The following CTNND2 variants were observed in gnomAD, a reference collection of about 807,000 sequenced individuals.
CTNND2 encodes catenin delta-2.
CTNND2 carries 22 observed loss-of-function variants against 144.4 expected under a neutral mutation model. The observed-to-expected ratio is 0.15, with a 90% CI of 0.11 to 0.22. The LOEUF is 0.22. CTNND2 is among the 10% of genes least tolerant of loss of function. The pLI, the probability that CTNND2 is intolerant of heterozygous loss-of-function variation, is 1.00. For synonymous variants in CTNND2, 751 were observed against 695.6 expected, an observed-to-expected ratio of 1.08 and a Z score of -1.25; for missense variants, 1,353 against 1,618.8, an observed-to-expected ratio of 0.84 and a Z score of 2.82.
intron 3 of CTNND2, among the ~76,000 whole-genome samples, chr5:11,457,619 T>C (rs200232377): frequency 6.6e-6 from 1 of 152,198 alleles, no homozygotes; most frequent in African/African-American, 2.4e-5. Flanking sequence ...TTCTTCATTG[T>C]CAGAAATGGA....
chr5:11,613,707 T>C (rs1780444522), intron 2 of CTNND2, among the ~76,000 whole-genome samples: 1 of 152,178 alleles, frequency 6.6e-6, no homozygotes, highest in African/African-American at 2.4e-5. Context: ...AAGTCTCAGC[T>C]CTTGGGTCAT....
Position 11,491,679 on chromosome 5 carries a change from C to A in CTNND2, c.287+73265G>T, listed in dbSNP as rs186823091. Among the ~76,000 whole-genome samples the A allele has an allele frequency of 5.9e-5, 9 of 152,180 alleles. No individual in the cohort carries two copies. The East Asian group carries it at 1.5e-3, about 26-fold the overall frequency. ...TCTGGAATGACTGAAGGCTCATGCC[C>A]GTCATCACAGTTACATCTCCTCTTT... On this transcript the variant is annotated intron_variant, in intron 3 of 21. Coordinates refer to ENST00000304623, the MANE Select transcript of CTNND2 (RefSeq NM_001332.4).
chr5:11,457,256 T>C (rs1263940026), intron 3 of CTNND2, among the ~76,000 whole-genome samples: 2 of 151,968 alleles, frequency 1.3e-5, no homozygotes, highest in African/African-American at 4.8e-5. Context: ...TTTTTTTAAG[T>C]TGCCAGGCAT....
At chr5:11,179,777 A>C (rs1760825750) in intron 11 of CTNND2, among the ~76,000 whole-genome samples, 1 of 152,182 alleles carries the variant, frequency 6.6e-6, no homozygotes, top group Non-Finnish European at 1.5e-5. Flanking sequence ...AAAATATGTA[A>C]TTGGCTTGGA....
At chr5:11,474,017 G>A (rs1334244853) in intron 3 of CTNND2, among the ~76,000 whole-genome samples, 3 of 152,186 alleles carry the variant, frequency 2.0e-5, no homozygotes, top group Non-Finnish European at 4.4e-5. Context: ...GTAATCGAGA[G>A]CCTGAAGCAT....
At chr5:11,318,059 G>A (rs1751683646) in intron 9 of CTNND2, among the ~76,000 whole-genome samples, 1 of 152,100 alleles carries the variant, frequency 6.6e-6, no homozygotes, top group Non-Finnish European at 1.5e-5. Flanking sequence ...AGGTGCTCAG[G>A]GAACCCTCAG....
chr5:11,465,042 C>G (rs954625374), intron 3 of CTNND2, among the ~76,000 whole-genome samples: 2 of 152,164 alleles, frequency 1.3e-5, no homozygotes, highest in African/African-American at 2.4e-5. Context: ...TTCCCCTCCC[C>G]CTAGCCCAAG....
chr5:11,788,910 T>C (rs903446064), intron 1 of CTNND2, among the ~76,000 whole-genome samples: 9 of 147,640 alleles, frequency 6.1e-5, no homozygotes, highest in Non-Finnish European at 1.3e-4. Flanking sequence ...TTCCCACCTA[T>C]GAATGAGAAC....
At chr5:11,449,468 G>A (rs538937554) in intron 3 of CTNND2, among the ~76,000 whole-genome samples, 2 of 152,256 alleles carry the variant, frequency 1.3e-5, no homozygotes, top group African/African-American at 2.4e-5. Context: ...TCATCAAGAC[G>A]CTAGTTGTCT....
At chr5:11,276,360 GC>G (rs1473574381) in intron 9 of CTNND2, among the ~76,000 whole-genome samples, 1 of 152,168 alleles carries the variant, frequency 6.6e-6, no homozygotes, top group Non-Finnish European at 1.5e-5. Flanking sequence ...CCCCAAATCA[GC>G]CACTCCTCCT....
At chr5:11,373,496 A>G (rs1192340990) in intron 7 of CTNND2, among the ~76,000 whole-genome samples, 3 of 152,158 alleles carry the variant, frequency 2.0e-5, no homozygotes, top group African/African-American at 7.2e-5. Context: ...ATACCCACAT[A>G]GGTAAGGATA....
At chr5:11,834,698 G>A (rs1650365832) in intron 1 of CTNND2, among the ~76,000 whole-genome samples, 2 of 152,112 alleles carry the variant, frequency 1.3e-5, no homozygotes, top group South Asian at 4.1e-4. Context: ...TTACATCATA[G>A]AATAATAAAT....
At chr5:11,111,505 A>T (rs1752979521) in intron 13 of CTNND2, among the ~76,000 whole-genome samples, 1 of 152,164 alleles carries the variant, frequency 6.6e-6, no homozygotes, top group African/African-American at 2.4e-5. Flanking sequence ...CAAGGAGGCT[A>T]CAGGTGCAAA....
At chr5:11,834,802 TCAA>T (rs1794083192) in intron 1 of CTNND2, among the ~76,000 whole-genome samples, 1 of 152,170 alleles carries the variant, frequency 6.6e-6, no homozygotes, top group Non-Finnish European at 1.5e-5. Flanking sequence ...TTGCCCCCTT[TCAA>T]CATGATATCC....
intron 16 of CTNND2, among the ~76,000 whole-genome samples, chr5:11,076,500 T>C (rs1175144797): frequency 5.3e-5 from 8 of 152,210 alleles, no homozygotes; most frequent in African/African-American, 1.9e-4. Flanking sequence ...TTTTAAACCT[T>C]CCATACTCAG....
intron 5 of CTNND2, among the ~76,000 whole-genome samples, chr5:11,400,275 A>C (rs2149820826): frequency 6.6e-6 from 1 of 152,308 alleles, no homozygotes; most frequent in South Asian, 2.1e-4. Context: ...CTGGACCCTA[A>C]CATTTCACCC....
At chr5:11,413,783 C>G (rs1448814746) in intron 3 of CTNND2, among the ~76,000 whole-genome samples, 1 of 151,988 alleles carries the variant, frequency 6.6e-6, no homozygotes, top group Non-Finnish European at 1.5e-5. Flanking sequence ...CTCCCCACAA[C>G]TTCATTCTTC....
chr5:11,665,676 G>T (rs955642950), intron 2 of CTNND2, among the ~76,000 whole-genome samples: 1 of 152,108 alleles, frequency 6.6e-6, no homozygotes, highest in African/African-American at 2.4e-5. Flanking sequence ...ATATCAACTT[G>T]CTCTTCTTCT....
intron 1 of CTNND2, among the ~76,000 whole-genome samples, chr5:11,744,666 GGAGT>G (rs1788202407): frequency 2.0e-5 from 2 of 99,742 alleles, no homozygotes; most frequent in Admixed American, 1.2e-4. Context: ...TCCTTGAAGA[GGAGT>G]GTGTGTGTGT....
Sources: gnomAD v4.1 joint callset for allele counts (sites outside exome capture counted in the v4.1 genomes callset) on GRCh38, gnomAD v4.1.1 for gene constraint, MANE v1.5 for transcripts, NCBI Gene and HGNC (gene_info 2026-07-23, HGNC 2026-07-21) for gene names.